Variants in RNF111 observed in about 807,000 individuals in gnomAD.
RNF111 encodes E3 ubiquitin-protein ligase Arkadia.
Under a neutral mutation model 95.1 loss-of-function variants are expected in RNF111, and 17 were observed. The ratio of observed to expected loss-of-function variants is 0.18; its 90% confidence interval spans 0.12 to 0.27. RNF111 has a LOEUF of 0.27. Among genes scored for constraint, RNF111 ranks in the 10% least tolerant of loss-of-function variants. RNF111 has a pLI of 1.00. For synonymous variants in RNF111, 440 were observed against 414.8 expected, an observed-to-expected ratio of 1.06 and a Z score of -0.74; for missense variants, 1,189 against 1,210.4, an observed-to-expected ratio of 0.98 and a Z score of 0.26.
intron 11 of RNF111, among the ~76,000 whole-genome samples, 166 bp from the exon 12 acceptor site, chr15:59,090,893 T>C (rs1232778497): frequency 2.0e-5 from 3 of 152,294 alleles, no homozygotes; most frequent in African/African-American, 7.2e-5. Flanking sequence ...GTTTTATATA[T>C]ATACTTATAT....
chr15:58,996,542 C>G (rs1596024615), intron 1 of RNF111, among the ~76,000 whole-genome samples: 2 of 151,520 alleles, frequency 1.3e-5, no homozygotes, highest in East Asian at 1.9e-4. Flanking sequence ...GATCATGCCA[C>G]TGTACTCCAG....
chr15:59,017,688 G>C (rs1271294850), intron 1 of RNF111, among the ~76,000 whole-genome samples: 2 of 150,302 alleles, frequency 1.3e-5, no homozygotes, highest in Non-Finnish European at 3.0e-5. Flanking sequence ...TTTATTACTT[G>C]AATTATCAAG....
At position 59,045,025 on chromosome 15, in the gene RNF111, A is replaced by G. The variant is rs1020991276; in HGVS notation, c.881-7280A>G. Among the ~76,000 whole-genome samples, 72 of 152,220 alleles carry G rather than the reference A, an allele frequency of 4.7e-4. 1 individual carries two copies. Among genetic ancestry groups the G allele is most frequent in the Non-Finnish European group, 7.3e-5 (5 of 68,036 alleles). On this transcript the variant is annotated intron_variant, in intron 2 of 13. Transcript: ENST00000348370. ...AAGCTATTTTTATACTTTTAGTTACATAATCTCTGTATTCATAAAAAGTTA... is the reference window on the plus strand; with the variant it reads ...AAGCTATTTTTATACTTTTAGTTACGTAATCTCTGTATTCATAAAAAGTTA...
intron 1 of RNF111, among the ~76,000 whole-genome samples, chr15:59,028,543 G>A (rs2040740520): frequency 6.6e-6 from 1 of 152,184 alleles, no homozygotes; most frequent in Admixed American, 6.5e-5. Flanking sequence ...AACTGAAGCT[G>A]TGGAAAGTTA....
At chr15:59,008,947 C>T (rs1319103968) in intron 1 of RNF111, among the ~76,000 whole-genome samples, 7 of 151,718 alleles carry the variant, frequency 4.6e-5, no homozygotes, top group Admixed American at 3.3e-4. Context: ...AATATTGTCA[C>T]GTATTTTATT....
intron 3 of RNF111, among the ~76,000 whole-genome samples, chr15:59,054,961 T>C (rs111378251): frequency 4.6e-5 from 7 of 152,370 alleles, no homozygotes; most frequent in African/African-American, 1.2e-4. Flanking sequence ...ATTATCCCTG[T>C]ATGTCCTTAG....
At chr15:59,083,332 G>T (rs2078802242) in intron 8 of RNF111, among the ~76,000 whole-genome samples, 1 of 152,042 alleles carries the variant, frequency 6.6e-6, no homozygotes, top group Non-Finnish European at 1.5e-5. Flanking sequence ...CAGATCACAA[G>T]GTCAAGAGAT....
intron 4 of RNF111, 107 bp downstream of exon 4, chr15:59,055,952 T>A: frequency 1.2e-6 from 1 of 804,370 alleles, no homozygotes; most frequent in Non-Finnish European, 1.8e-6. Context: ...ATTATTAAAC[T>A]ACAGGGAAAT....
chr15:59,048,260 A>G (rs559854438), intron 2 of RNF111, among the ~76,000 whole-genome samples: 2 of 152,370 alleles, frequency 1.3e-5, no homozygotes, highest in Non-Finnish European at 2.9e-5. Context: ...ATGATTGGAT[A>G]CTACTCAGCA....
intron 6 of RNF111, among the ~76,000 whole-genome samples, chr15:59,073,033 G>A (rs572312834): frequency 6.6e-6 from 1 of 152,102 alleles, no homozygotes; most frequent in Non-Finnish European, 1.5e-5. Context: ...TTAGCTGGGT[G>A]CAGTGGCACG....
At chr15:59,002,785 C>T (rs1408596528) in intron 1 of RNF111, among the ~76,000 whole-genome samples, 2 of 152,176 alleles carry the variant, frequency 1.3e-5, no homozygotes, top group Non-Finnish European at 2.9e-5. Flanking sequence ...TTTCCTTCCA[C>T]TTCCCTTCTT....
chr15:59,017,827 G>A lies in RNF111; in HGVS notation c.-19-12977G>A, dbSNP rs200584027. On this transcript the variant is annotated intron_variant, in intron 1 of 13. Transcript: ENST00000348370. The stretch of plus-strand genomic sequence containing the variant: ...GGCTAGAGTGCAATGGCACAATCTC[G>A]GCTCTCTGCAACCTCCACTTCCTGG... Among the ~76,000 whole-genome samples the A allele has an allele frequency of 4.1e-4, 58 of 143,132 alleles. 1 individual carries two copies. In the East Asian group the frequency reaches 0.011, roughly 28 times the overall value. 93.9% of individuals were successfully genotyped at this position (143,132 alleles called of 152,430 possible). A position where few individuals can be genotyped will look rare whatever the true frequency, so the allele number is the denominator to read the frequency against.
intron 1 of RNF111, among the ~76,000 whole-genome samples, chr15:59,020,560 G>A (rs577666250): frequency 6.6e-6 from 1 of 152,200 alleles, no homozygotes; most frequent in East Asian, 1.9e-4. Context: ...ACTTCACCCA[G>A]TTTGTATTGA....
chr15:59,092,684 C>T (rs775082540), intron 13 of RNF111, 44 bp downstream of exon 13: 19 of 1,534,814 alleles, frequency 1.2e-5, no homozygotes, highest in Admixed American at 1.9e-5. Flanking sequence ...CAAAACTGTA[C>T]ATGGGATTTT....
chr15:59,075,308 A>G (rs1050266344), intron 6 of RNF111, among the ~76,000 whole-genome samples: 7 of 152,236 alleles, frequency 4.6e-5, no homozygotes, highest in Non-Finnish European at 4.4e-5. Flanking sequence ...ATAAAATGCA[A>G]TAAATATGCC....
chr15:59,057,509 G>T (rs1026167274), intron 4 of RNF111, among the ~76,000 whole-genome samples: 2 of 152,054 alleles, frequency 1.3e-5, no homozygotes, highest in Middle Eastern at 3.2e-3. Context: ...TTTAATTGTC[G>T]TGACTATGCT....
chr15:59,038,714 T>C (rs1345116), intron 2 of RNF111, among the ~76,000 whole-genome samples: 57,996 of 151,960 alleles, frequency 0.38, 11,114 homozygotes, highest in Middle Eastern at 0.47. Context: ...TTCTTTTTTA[T>C]ATATGGCATC....
chr15:59,084,949 C>T (rs1160888552), intron 9 of RNF111, among the ~76,000 whole-genome samples: 1 of 152,144 alleles, frequency 6.6e-6, no homozygotes, highest in Non-Finnish European at 1.5e-5. Context: ...TTATCTGACC[C>T]CCACCTTTGT....
intron 2 of RNF111, among the ~76,000 whole-genome samples, chr15:59,037,023 G>A (rs1183554346): frequency 6.7e-6 from 1 of 150,298 alleles, no homozygotes; most frequent in African/African-American, 2.5e-5. Flanking sequence ...TTTTGGTAGA[G>A]ACAGGGTTTT....
Sources: allele counts gnomAD v4.1 joint callset (sites outside exome capture counted in the v4.1 genomes callset), GRCh38; gene constraint gnomAD v4.1.1; transcripts MANE v1.5; gene names NCBI Gene and HGNC (gene_info 2026-07-23, HGNC 2026-07-21).